HOXB1: variants seen among roughly 807,000 people sequenced by gnomAD.
HOXB1 encodes the protein homeobox protein Hox-B1.
In HOXB1, 13 loss-of-function variants were observed where a neutral mutation model predicts 26.9. The observed-to-expected ratio is 0.48, with a 90% CI of 0.31 to 0.77. HOXB1 has a LOEUF of 0.77. Ranked by LOEUF, HOXB1 falls within the 30% of genes least tolerant of loss-of-function variation. The probability of loss-of-function intolerance (pLI) is 0.04; values close to 1 mark genes in which losing one functional copy is unlikely to be tolerated. For missense variants in HOXB1, 366 were observed against 403.6 expected, an observed-to-expected ratio of 0.91 and a Z score of 0.80; for synonymous variants, 168 against 170.8, an observed-to-expected ratio of 0.98 and a Z score of 0.13.
In HOXB1 at chr17:48,529,643, T is replaced by TG; in HGVS notation, c.809dup (p.Ala271SerfsTer34). On this transcript the variant is annotated frameshift_variant, in exon 2 of 2. Coordinates refer to ENST00000239174, the MANE Select transcript of HOXB1 (RefSeq NM_002144.4). LOFTEE classifies it high-confidence loss of function. ...CCTCCTTGGGGCAGCCTGGTGGGGC[T>TG]GGGGGGACCCGACCTTCCTCTCGCT... is the stretch of plus-strand genomic sequence containing the variant. 1.2e-6 allele frequency: 2 copies of TG among 1,608,372 alleles called. No individual in the cohort carries two copies. Among genetic ancestry groups the TG allele is most frequent in the Non-Finnish European group, 8.5e-7 (1 of 1,175,726 alleles).
At position 48,530,692 on chromosome 17, in the gene HOXB1, G is replaced by T. The variant is rs751085112; in HGVS notation, c.213C>A (p.Thr71=). 6.2e-7 allele frequency: 1 copy of T among 1,613,054 alleles called. No homozygotes were observed. Among genetic ancestry groups the T allele is most frequent in the Admixed American group, 1.7e-5 (1 of 59,950 alleles). ...SGYPAQQPPS[T]LGVPFPSSAP... is the part of the protein sequence containing the mutation. ...CGGAGCTGGGGAAGGGCACCCCCAG[G>T]GTCGAAGGCGGCTGCTGGGCGGGAT... Residue 71 remains threonine, a synonymous_variant, in exon 1 of 2, where the codon ACC becomes ACA. Transcript: ENST00000239174. The surrounding 1 kb of genome is among the most constrained non-coding windows in gnomAD (Gnocchi z 6.2).
rs768410617 is a variant in HOXB1 at position 48,530,855 on chromosome 17, C to T, written c.50G>A (p.Arg17Gln). ...GTGGGCGCTGTAGGCGCTGGGTCCC[C>T]GGTTACAGAGTGGGTACTCTAAGAA... ...NSFLEYPLCN[R>Q]GPSAYSAHSA... Residue 17 changes from arginine to glutamine, a missense_variant, in exon 1 of 2, where the codon CGG (arginine) becomes CAG (glutamine). Physicochemically the swap from Arg to Gln is conservative, Grantham distance 43. Coordinates refer to ENST00000239174, the MANE Select transcript of HOXB1 (RefSeq NM_002144.4). This position sits in a 1 kb window ranked among gnomAD's most constrained non-coding sequence, Gnocchi z 6.2. 8 of 1,553,718 alleles carry T rather than the reference C, an allele frequency of 5.1e-6. No homozygotes were observed. The highest frequency in any genetic ancestry group is 6.9e-6 in the Non-Finnish European group (8 of 1,154,444).
Position 48,529,593 on chromosome 17 carries a change from G to C in HOXB1, c.860C>G (p.Ser287Trp). ...KEAAGDASDQ[S>W]TCTSPEASPS... ...TGAGGCTTCCGGGGAGGTGCATGTCGACTGGTCTGAGGCATCTCCAGCTGC... is the reference window on the plus strand; with the variant it reads ...TGAGGCTTCCGGGGAGGTGCATGTCCACTGGTCTGAGGCATCTCCAGCTGC... The change falls in exon 2 of 2, where the codon TCG becomes TGG. Residue 287 changes from serine (S) to tryptophan (W), a missense_variant. Physicochemically the swap from Ser to Trp is radical, Grantham distance 177. Transcript: ENST00000239174. 6.4e-7 allele frequency: 1 copy of C among 1,555,542 alleles called. No individual in the cohort carries two copies. The highest frequency in any genetic ancestry group is 8.7e-7 in the Non-Finnish European group (1 of 1,148,200).
At position 48,530,504 on chromosome 17, in the gene HOXB1, G is replaced by A. The variant is rs774301837; in HGVS notation, c.401C>T (p.Pro134Leu). Residue 134 changes from proline to leucine, a missense_variant, in exon 1 of 2, where the codon CCG becomes CTG. By Grantham distance (98) the Pro-to-Leu change is moderately conservative. Coordinates refer to ENST00000239174, the MANE Select transcript of HOXB1 (RefSeq NM_002144.4). This position sits in a 1 kb window ranked among gnomAD's most constrained non-coding sequence, Gnocchi z 6.2. ...GGGATGCTGCGGAGGATATGGCCCC[G>A]GACCGGCTCCACCTGCTCCGTAGCC... ...SDGYGAGGAG[P>L]GPYPPQHPPY... The A allele has an allele frequency of 8.1e-6, 13 of 1,613,960 alleles. No homozygotes were observed. Among genetic ancestry groups the A allele is most frequent in the Admixed American group, 5.0e-5 (3 of 59,994 alleles).
In HOXB1 at chr17:48,529,308, C is replaced by T. The variant is rs2068417774; in HGVS notation, c.*239G>A. The T allele has an allele frequency of 2.6e-6, 1 of 387,066 alleles. No individual in the cohort carries two copies. The highest frequency in any genetic ancestry group is 3.8e-5 in the East Asian group (1 of 26,598). The allele number at this position is 387,066 out of a possible 1,614,324, so 24.0% of individuals were successfully genotyped here. A position where few individuals can be genotyped will look rare whatever the true frequency, so the allele number is the denominator to read the frequency against. ...TCAAAGGCAGAAGCCCTTCCCTCTA[C>T]ATTTGACAGGTTCCATGCCTCCCAG... On this transcript the variant is annotated 3_prime_UTR_variant, in exon 2 of 2. Transcript: ENST00000239174.
rs2068418140 is a variant in HOXB1 at position 48,529,367 on chromosome 17, G to A, written c.*180C>T. The A allele has an allele frequency of 8.6e-6, 4 of 465,162 alleles. No homozygotes were observed. Among genetic ancestry groups the A allele is most frequent in the African/African-American group, 5.9e-5 (3 of 50,654 alleles). The allele number at this position is 465,162 out of a possible 1,614,324, so 28.8% of individuals were successfully genotyped here. ...TCCTGTAGGGCCCCCAGCCACCCAG[G>A]TCTGAGAAAAATGTTTCCCCATCCC... is the stretch of plus-strand genomic sequence containing the variant. On this transcript the variant is annotated 3_prime_UTR_variant, in exon 2 of 2. Transcript: ENST00000239174.
rs200933753 is a variant in HOXB1, at chr17:48,530,516, C to T, written c.389G>A (p.Gly130Asp). The T allele has an allele frequency of 5.0e-6, 8 of 1,614,088 alleles. No homozygotes were observed. The highest frequency in any genetic ancestry group is 1.3e-5 in the African/African-American group (1 of 75,052). ...AGGATATGGCCCCGGACCGGCTCCA[C>T]CTGCTCCGTAGCCATCGGACAAGCC... ...LGGLSDGYGA[G>D]GAGPGPYPPQ... is the part of the protein sequence containing the mutation. Residue 130 changes from glycine to aspartate, a missense_variant, in exon 1 of 2, where the codon GGT (glycine) becomes GAT (aspartate). Coordinates refer to ENST00000239174, the MANE Select transcript of HOXB1 (RefSeq NM_002144.4). This position sits in a 1 kb window ranked among gnomAD's most constrained non-coding sequence, Gnocchi z 6.2.
Position 48,530,739 on chromosome 17 carries a change from C to T in HOXB1, c.166G>A (p.Ala56Thr). The change falls in exon 1 of 2, where the codon GCG becomes ACG. Residue 56 changes from alanine (A) to threonine (T), a missense_variant. Physicochemically the swap from Ala to Thr is moderately conservative, Grantham distance 58 (BLOSUM62 0). Coordinates refer to ENST00000239174, the MANE Select transcript of HOXB1 (RefSeq NM_002144.4). This position sits in a 1 kb window ranked among gnomAD's most constrained non-coding sequence, Gnocchi z 6.2. ...GGATAGCCGGAGTTCTGCTGAAACG[C>T]AGGGCTGGACAGCCCCCCACCGTAG... ...GRYGGGLSSPAFQQNSGYPAQ... is the reference protein window; with the variant it reads ...GRYGGGLSSPTFQQNSGYPAQ... The T allele has an allele frequency of 6.2e-7, 1 of 1,610,846 alleles. No homozygotes were observed. Among genetic ancestry groups the T allele is most frequent in the Non-Finnish European group, 8.5e-7 (1 of 1,178,418 alleles).
At position 48,529,827 on chromosome 17, in the gene HOXB1, T is replaced by C. The variant is rs2068422997; in HGVS notation, c.626A>G (p.Asn209Ser). ...GLGSPSGLRT[N>S]FTTRQLTELE... Reference sequence around the variant, plus strand: ...TTCTGTCAGCTGCCTTGTGGTGAAGTTGGTGCGGAGGCCACTGGGCGAGCC... The same window carrying C: ...TTCTGTCAGCTGCCTTGTGGTGAAGCTGGTGCGGAGGCCACTGGGCGAGCC... The change falls in exon 2 of 2, where the codon AAC (asparagine) becomes AGC (serine). Residue 209 changes from asparagine to serine, a missense_variant. Coordinates refer to ENST00000239174, the MANE Select transcript of HOXB1 (RefSeq NM_002144.4). 2 of 1,599,380 alleles carry C rather than the reference T, an allele frequency of 1.3e-6. No homozygotes were observed. Among genetic ancestry groups the C allele is most frequent in the Non-Finnish European group, 1.7e-6 (2 of 1,178,674 alleles).
In HOXB1 at chr17:48,530,931, C is replaced by T. The variant is rs199564856; in HGVS notation, c.-27G>A. 2.7e-6 allele frequency: 4 copies of T among 1,462,762 alleles called. No individual in the cohort carries two copies. The East Asian group carries it at 6.9e-5, about 25-fold the overall frequency. The allele number at this position is 1,462,762 out of a possible 1,614,324, so 90.6% of individuals were successfully genotyped here. A position where few individuals can be genotyped will look rare whatever the true frequency, so the allele number is the denominator to read the frequency against. On this transcript the variant is annotated 5_prime_UTR_variant, in exon 1 of 2. Coordinates refer to ENST00000239174, the MANE Select transcript of HOXB1 (RefSeq NM_002144.4). The surrounding 1 kb of genome is among the most constrained non-coding windows in gnomAD (Gnocchi z 6.2). The stretch of plus-strand genomic sequence containing the variant: ...CGTCAAGGCCGCAGGAGGGTCGGCC[C>T]GTTTGGGGGAGACACCCTCTTGCCC...
In HOXB1 at chr17:48,530,819, G is replaced by T. The variant is rs753115367; in HGVS notation, c.86C>A (p.Thr29Asn). The change falls in exon 1 of 2, where the codon ACC (threonine) becomes AAC (asparagine). Residue 29 changes from threonine (T) to asparagine (N), a missense_variant. By Grantham distance (65) the Thr-to-Asn change is moderately conservative. Coordinates refer to ENST00000239174, the MANE Select transcript of HOXB1 (RefSeq NM_002144.4). The surrounding 1 kb of genome is among the most constrained non-coding windows in gnomAD (Gnocchi z 6.2). ...CTGAGCCGAGCTTGGGGGAAAGGAG[G>T]TTGGGGCGCTGTGGGCGCTGTAGGC... ...PSAYSAHSAPTSFPPSSAQAV... is the reference protein window; with the variant it reads ...PSAYSAHSAPNSFPPSSAQAV... 2.0e-5 allele frequency: 28 copies of T among 1,379,598 alleles called. No homozygotes were observed. The Admixed American group carries it at 3.9e-4, about 19-fold the overall frequency. 85.5% of individuals were successfully genotyped at this position (1,379,598 alleles called of 1,614,324 possible).
chr17:48,529,900 C>A, intron 1 of HOXB1, 25 bp from the exon 2 acceptor site: 1 of 1,530,392 alleles, frequency 6.5e-7, no homozygotes, highest in South Asian at 1.2e-5. Flanking sequence ...GGGAGAAAGG[C>A]CAGGTCAATT....
In HOXB1 at chr17:48,529,575, TC is replaced by T; in HGVS notation, c.877del (p.Glu293LysfsTer54). 1 of 1,538,256 alleles carries T rather than the reference TC, an allele frequency of 6.5e-7. No homozygotes were observed. Among genetic ancestry groups the T allele is most frequent in the Non-Finnish European group, 8.8e-7 (1 of 1,140,744 alleles). On this transcript the variant is annotated frameshift_variant, in exon 2 of 2. Transcript: ENST00000239174. LOFTEE classifies it high-confidence loss of function. Reference sequence around the variant, plus strand: ...GGAGGTGACAGAGCTGGGTGAGGCTTCCGGGGAGGTGCATGTCGACTGGTCT... The same window carrying T: ...GGAGGTGACAGAGCTGGGTGAGGCTTCGGGGAGGTGCATGTCGACTGGTCT... ...ASDQSTCTSP[E>X]ASPSSVTS
In HOXB1 at chr17:48,530,945, A is replaced by C. The variant is rs751977692; in HGVS notation, c.-41T>G. 1.4e-6 allele frequency: 2 copies of C among 1,385,602 alleles called. No individual in the cohort carries two copies. The highest frequency in any genetic ancestry group is 2.8e-5 in the South Asian group (2 of 71,306). 85.8% of individuals were successfully genotyped at this position (1,385,602 alleles called of 1,614,324 possible). ...GAGGGTCGGCCCGTTTGGGGGAGAC[A>C]CCCTCTTGCCCTACAACCTTTCGGC... On this transcript the variant is annotated 5_prime_UTR_variant, in exon 1 of 2. Coordinates refer to ENST00000239174, the MANE Select transcript of HOXB1 (RefSeq NM_002144.4). The surrounding 1 kb of genome is among the most constrained non-coding windows in gnomAD (Gnocchi z 6.2).
In HOXB1 at chr17:48,529,876, C is replaced by T; in HGVS notation, c.578-1G>A. 6.4e-7 allele frequency: 1 copy of T among 1,573,748 alleles called. No homozygotes were observed. Among genetic ancestry groups the T allele is most frequent in the Non-Finnish European group, 8.6e-7 (1 of 1,162,032 alleles). The stretch of plus-strand genomic sequence containing the variant: ...CCCAGGCCTGGCTCTGACACCTTCG[C>T]TAGGGGCGGGGCAGGGAGAAAGGCC... On this transcript the variant is annotated splice_acceptor_variant, in intron 1 of 1. Coordinates refer to ENST00000239174, the MANE Select transcript of HOXB1 (RefSeq NM_002144.4). LOFTEE classifies it high-confidence loss of function.
In HOXB1 at chr17:48,529,787, G is replaced by A; in HGVS notation, c.666C>T (p.Phe222=). The A allele has an allele frequency of 6.2e-7, 1 of 1,605,502 alleles. No individual in the cohort carries two copies. Among genetic ancestry groups the A allele is most frequent in the South Asian group, 1.1e-5 (1 of 91,078 alleles). ...CCCGGCTCAGGTACTTGTTGAAATG[G>A]AACTCCTTTTCCAGTTCTGTCAGCT... ...TRQLTELEKE[F]HFNKYLSRAR... The change falls in exon 2 of 2, where the codon TTC becomes TTT. Residue 222 remains phenylalanine (F), a synonymous_variant. Coordinates refer to ENST00000239174, the MANE Select transcript of HOXB1 (RefSeq NM_002144.4).
Position 48,529,431 on chromosome 17 carries a change from C to T in HOXB1, c.*116G>A. ...AGGCAGCTCTAAACTGGCATTTCAG[C>T]CCTAGAGAGGATCCCCAGGCCAGTG... On this transcript the variant is annotated 3_prime_UTR_variant, in exon 2 of 2. Transcript: ENST00000239174. The T allele has an allele frequency of 1.3e-6, 1 of 768,118 alleles. No homozygotes were observed. Among genetic ancestry groups the T allele is most frequent in the South Asian group, 2.8e-5 (1 of 35,848 alleles). 47.6% of individuals were successfully genotyped at this position (768,118 alleles called of 1,614,324 possible). A position where few individuals can be genotyped will look rare whatever the true frequency, so the allele number is the denominator to read the frequency against.
chr17:48,530,406 G>A lies in HOXB1; in HGVS notation c.499C>T (p.Pro167Ser), dbSNP rs1466541070. Reference sequence around the variant, plus strand: ...GGGGTGTTAGGTTCTGAAGGGCAGGGTGTTTCCTTGTCCTCGGAGAGGAGA... The same window carrying A: ...GGGGTGTTAGGTTCTGAAGGGCAGGATGTTTCCTTGTCCTCGGAGAGGAGA... ...ADLLSEDKET[P>S]CPSEPNTPTA... The change falls in exon 1 of 2, where the codon CCC becomes TCC. Residue 167 changes from proline (P) to serine (S), a missense_variant. By Grantham distance (74) the Pro-to-Ser change is moderately conservative (BLOSUM62 -1). Coordinates refer to ENST00000239174, the MANE Select transcript of HOXB1 (RefSeq NM_002144.4). This position sits in a 1 kb window ranked among gnomAD's most constrained non-coding sequence, Gnocchi z 6.2. The A allele has an allele frequency of 6.2e-7, 1 of 1,614,138 alleles. No individual in the cohort carries two copies. The highest frequency in any genetic ancestry group is 2.2e-5 in the East Asian group (1 of 44,882).
In HOXB1 at chr17:48,530,836, G is replaced by A. The variant is rs761966323; in HGVS notation, c.69C>T (p.Ser23=). The A allele has an allele frequency of 6.4e-7, 1 of 1,571,422 alleles. No homozygotes were observed. ...PLCNRGPSAY[S]AHSAPTSFPP... is the part of the protein sequence containing the mutation. ...GAAAGGAGGTTGGGGCGCTGTGGGC[G>A]CTGTAGGCGCTGGGTCCCCGGTTAC... The change falls in exon 1 of 2, where the codon AGC becomes AGT. Residue 23 remains serine (S), a synonymous_variant. Transcript: ENST00000239174. The surrounding 1 kb of genome is among the most constrained non-coding windows in gnomAD (Gnocchi z 6.2).
Sources: allele counts gnomAD v4.1 joint callset, GRCh38; gene constraint gnomAD v4.1.1; non-coding constraint Gnocchi (gnomAD v3.1); transcripts MANE v1.5; gene names NCBI Gene and HGNC (gene_info 2026-07-23, HGNC 2026-07-21).